The following NCKAP5 variants were observed in gnomAD, a reference collection of about 807,000 sequenced individuals.
The protein encoded by NCKAP5 is NCK associated protein 5, also known as nck-associated protein 5.
A neutral mutation model predicts 167.0 loss-of-function variants in NCKAP5; 92 were observed. The observed-to-expected ratio is 0.55, with a 90% CI of 0.47 to 0.66. The LOEUF (loss-of-function observed/expected upper bound fraction) is 0.66, where lower values mean the gene tolerates loss of function less well. Among genes scored for constraint, NCKAP5 ranks in the 30% least tolerant of loss-of-function variants. The pLI is 0.00. For synonymous variants in NCKAP5, 891 were observed against 877.4 expected (o/e 1.02, Z -0.27); for missense variants, 2,378 against 2,315.0 (o/e 1.03, Z -0.56).
chr2:132,808,973 T>A (rs536136691), intron 11 of NCKAP5, among the ~76,000 whole-genome samples: 5 of 152,140 alleles, frequency 3.3e-5, no homozygotes, highest in Non-Finnish European at 7.4e-5. Context: ...TGTGTCATTA[T>A]TGTCATTCTG....
chr2:132,683,286 C>T (rs374972076), intron 19 of NCKAP5, among the ~76,000 whole-genome samples: 1 of 152,032 alleles, frequency 6.6e-6, no homozygotes, highest in Non-Finnish European at 1.5e-5. Flanking sequence ...TTCTTCCAAT[C>T]TCATTAGCCC....
At chr2:132,676,646 T>G (rs976254263) in intron 19 of NCKAP5, among the ~76,000 whole-genome samples, 1 of 152,212 alleles carries the variant, frequency 6.6e-6, no homozygotes, top group Non-Finnish European at 1.5e-5. Context: ...TAATGATCTA[T>G]CTGGCAAATG....
At chr2:133,671,738 C>T in the NCKAP5 span, among the ~76,000 whole-genome samples, 1 of 151,474 alleles carries the variant, frequency 6.6e-6, no homozygotes, top group Admixed American at 6.6e-5. Flanking sequence ...TTCTGGTATA[C>T]ACAACAACAA....
intron 3 of NCKAP5, among the ~76,000 whole-genome samples, chr2:133,402,613 G>A (rs933482356): frequency 1.3e-5 from 2 of 152,110 alleles, no homozygotes; most frequent in African/African-American, 4.8e-5. Context: ...CTGTCCTCAC[G>A]ATAATGAGTG....
At chr2:132,790,837 T>C (rs1684010095) in intron 12 of NCKAP5, among the ~76,000 whole-genome samples, 1 of 152,226 alleles carries the variant, frequency 6.6e-6, no homozygotes, top group Non-Finnish European at 1.5e-5. Context: ...TGGCCTCTAG[T>C]AGGTGCTCAA....
intron 8 of NCKAP5, among the ~76,000 whole-genome samples, chr2:132,938,780 G>A (rs984997879): frequency 2.0e-5 from 3 of 152,116 alleles, no homozygotes; most frequent in Non-Finnish European, 4.4e-5. Context: ...GGGGAGAGAG[G>A]TGAGAAAGAG....
In NCKAP5 at chr2:133,291,616, A is replaced by G. The variant is rs373348938; in HGVS notation, c.143+11421T>C. Among the ~76,000 whole-genome samples the G allele has an allele frequency of 1.2e-3, 188 of 152,280 alleles. 1 individual carries two copies. Among genetic ancestry groups the G allele is most frequent in the African/African-American group, 4.2e-3 (173 of 41,558 alleles). The stretch of plus-strand genomic sequence containing the variant: ...AATAACTGCCACAGAAAATACATCT[A>G]TGACATTTAATCACTGAGTGTTCGA... On this transcript the variant is annotated intron_variant, in intron 4 of 19. Transcript: ENST00000409261.
intron 11 of NCKAP5, among the ~76,000 whole-genome samples, chr2:132,850,982 G>T (rs186755308): frequency 6.6e-6 from 1 of 152,160 alleles, no homozygotes; most frequent in East Asian, 1.9e-4. Flanking sequence ...GAGACTCCTT[G>T]CAGGTGAATG....
intron 8 of NCKAP5, among the ~76,000 whole-genome samples, chr2:132,895,157 C>T (rs1026853883): frequency 4.6e-5 from 7 of 151,778 alleles, no homozygotes; most frequent in Non-Finnish European, 8.8e-5. Context: ...CGGTGAAACC[C>T]CGTCTCTACT....
At chr2:133,447,515 C>CTTTCCCTTCT (rs1335242966) in intron 3 of NCKAP5, among the ~76,000 whole-genome samples, 2 of 142,842 alleles carry the variant, frequency 1.4e-5, no homozygotes, top group African/African-American at 2.6e-5. Flanking sequence ...TTTCCCCTTC[C>CTTTCCCTTCT]TTTCCCTTCC....
chr2:133,463,301 T>G (rs1449250718), intron 3 of NCKAP5, among the ~76,000 whole-genome samples: 1 of 152,226 alleles, frequency 6.6e-6, no homozygotes, highest in Non-Finnish European at 1.5e-5. Context: ...CTGGTTTCAG[T>G]GTGACTCCAG....
At chr2:132,678,015 A>G (rs552107769) in intron 19 of NCKAP5, among the ~76,000 whole-genome samples, 2 of 152,234 alleles carry the variant, frequency 1.3e-5, no homozygotes, top group South Asian at 4.2e-4. Context: ...AGTTTTTTTT[A>G]TAGTTCACAA....
intron 3 of NCKAP5, among the ~76,000 whole-genome samples, chr2:133,466,397 G>A (rs1443901484): frequency 2.9e-4 from 42 of 146,342 alleles, no homozygotes; most frequent in Non-Finnish European, 5.5e-4. Flanking sequence ...GTACCATGCT[G>A]TTTTGGTTAC....
chr2:133,103,374 G>T (rs1431549977), intron 6 of NCKAP5, among the ~76,000 whole-genome samples: 4 of 152,170 alleles, frequency 2.6e-5, no homozygotes, highest in Non-Finnish European at 5.9e-5. Flanking sequence ...TATCAATATG[G>T]TTAAATATTC....
chr2:133,081,441 C>A (rs1264355316), intron 6 of NCKAP5, among the ~76,000 whole-genome samples: 2 of 152,194 alleles, frequency 1.3e-5, no homozygotes, highest in Non-Finnish European at 2.9e-5. Flanking sequence ...CCTAACAACA[C>A]ATTTTTCTGA....
intron 14 of NCKAP5, among the ~76,000 whole-genome samples, chr2:132,781,631 G>C (rs1435968282): frequency 6.6e-6 from 1 of 152,102 alleles, no homozygotes. Context: ...TCCATTTCAC[G>C]CCATCTGGGT....
intron 11 of NCKAP5, among the ~76,000 whole-genome samples, chr2:132,859,961 A>AG (rs1333459436): frequency 6.6e-6 from 1 of 152,208 alleles, no homozygotes; most frequent in East Asian, 1.9e-4. Flanking sequence ...GTAAAAAAAA[A>AG]TAGTTCAGTG....
At chr2:133,624,529 C>T in the NCKAP5 span, among the ~76,000 whole-genome samples, 2 of 152,104 alleles carry the variant, frequency 1.3e-5, no homozygotes, top group Non-Finnish European at 2.9e-5. Flanking sequence ...TGGTGTTCTT[C>T]GTTCAGGGCA....
chr2:132,805,814 G>A (rs573049805), intron 11 of NCKAP5, among the ~76,000 whole-genome samples: 4 of 151,442 alleles, frequency 2.6e-5, no homozygotes, highest in South Asian at 2.1e-4. Flanking sequence ...AGGTACAGGC[G>A]GTATTTGGTT....
Sources: allele counts gnomAD v4.1 joint callset (sites outside exome capture counted in the v4.1 genomes callset), GRCh38; gene constraint gnomAD v4.1.1; transcripts MANE v1.5; gene names NCBI Gene and HGNC (gene_info 2026-07-23, HGNC 2026-07-21).